Variants in DGKH observed in about 807,000 individuals in gnomAD.
The protein encoded by DGKH is diacylglycerol kinase eta, also known as DAG kinase eta.
In DGKH, 90 loss-of-function variants were observed where a neutral mutation model predicts 159.3. The ratio of observed to expected loss-of-function variants is 0.57; its 90% CI spans 0.48 to 0.67. The LOEUF is 0.67. Among genes scored for constraint, DGKH ranks in the 30% least tolerant of loss-of-function variants. The pLI is 0.00. For synonymous variants in DGKH, 536 were observed against 553.8 expected, an observed-to-expected ratio of 0.97 and a Z score of 0.45; for missense variants, 1,181 against 1,506.1, an observed-to-expected ratio of 0.78 and a Z score of 3.57.
chr13:42,250,444 T>G (rs927386198), intron 29 of DGKH, among the ~76,000 whole-genome samples: 2 of 152,164 alleles, frequency 1.3e-5, no homozygotes, highest in African/African-American at 4.8e-5. Context: ...ACTTTCAAGA[T>G]AACTAGAAAA....
At chr13:42,042,024 AC>A (rs770302785) in intron 1 of DGKH, among the ~76,000 whole-genome samples, 1 of 152,104 alleles carries the variant, frequency 6.6e-6, no homozygotes, top group Non-Finnish European at 1.5e-5. Context: ...TGCCCAGAGT[AC>A]GTTTCTCGGC....
intron 29 of DGKH, among the ~76,000 whole-genome samples, chr13:42,227,249 C>A (rs943762721): frequency 2.0e-5 from 3 of 151,908 alleles, no homozygotes; most frequent in Non-Finnish European, 2.9e-5. Flanking sequence ...GCACATGTAT[C>A]CTGGAACTTA....
chr13:42,095,103 A>T (rs1954495949), intron 1 of DGKH, among the ~76,000 whole-genome samples: 1 of 148,648 alleles, frequency 6.7e-6, no homozygotes. Context: ...ACTGTGGGAG[A>T]TACTACTGTA....
intron 3 of DGKH, among the ~76,000 whole-genome samples, chr13:42,136,904 G>A (rs1955413616): frequency 6.6e-6 from 1 of 152,078 alleles, no homozygotes; most frequent in Non-Finnish European, 1.5e-5. Context: ...CTTTCTACGA[G>A]GGTTTAAAAG....
At chr13:42,146,414 TCAG>T (rs1243453173) in intron 3 of DGKH, among the ~76,000 whole-genome samples, 2 of 152,198 alleles carry the variant, frequency 1.3e-5, no homozygotes, top group Non-Finnish European at 2.9e-5. Context: ...TTATCTGGAA[TCAG>T]CAGGCGTACT....
At chr13:42,110,117 C>T (rs764681129) in intron 1 of DGKH, among the ~76,000 whole-genome samples, 11 of 152,084 alleles carry the variant, frequency 7.2e-5, no homozygotes, top group Non-Finnish European at 1.5e-4. Flanking sequence ...GTTGAAATTC[C>T]AGAAAATAAG....
chr13:42,130,714 G>C (rs769285350), intron 3 of DGKH, among the ~76,000 whole-genome samples: 5 of 152,100 alleles, frequency 3.3e-5, no homozygotes, highest in Non-Finnish European at 7.4e-5. Context: ...AGCACTGGTA[G>C]GGGTTGGGGG....
At chr13:42,081,752 G>T (rs1954205103) in intron 1 of DGKH, among the ~76,000 whole-genome samples, 1 of 152,120 alleles carries the variant, frequency 6.6e-6, no homozygotes, top group Admixed American at 6.5e-5. Context: ...GAGATATCCA[G>T]AGTTCATCTT....
In DGKH at chr13:42,209,130, T is replaced by C; in HGVS notation, c.2715+58T>C. ...CTTGGGCTAAGGAGGGTTGAAGGAA[T>C]CTATTCTAAACAACTCGTACACTGG... is the stretch of plus-strand genomic sequence containing the variant. On this transcript the variant is annotated intron_variant, in intron 22 of 29. Coordinates refer to ENST00000337343, the MANE Select transcript of DGKH (RefSeq NM_178009.5). The C allele has an allele frequency of 3.3e-6, 5 of 1,516,186 alleles. No individual in the cohort carries two copies. The South Asian group carries it at 5.9e-5, about 18-fold the overall frequency. The allele number at this position is 1,516,186 out of a possible 1,614,324, so 93.9% of individuals were successfully genotyped here.
chr13:42,140,796 G>C (rs1955527425), intron 3 of DGKH: 2 of 151,906 alleles, frequency 1.3e-5, no homozygotes. Flanking sequence ...CCTTTTTGTG[G>C]TGCAGACTAA....
rs1354290309 is a variant in DGKH at position 42,238,912 on chromosome 13, A to G, written c.*9724A>G. 6.6e-6 allele frequency: 1 copy of G among 152,142 alleles called. No individual in the cohort carries two copies. Among genetic ancestry groups the G allele is most frequent in the African/African-American group, 2.4e-5 (1 of 41,442 alleles). The allele number at this position is 152,142 out of a possible 1,614,324, so 9.4% of individuals were successfully genotyped here. A position where few individuals can be genotyped will look rare whatever the true frequency, so the allele number is the denominator to read the frequency against. On this transcript the variant is annotated 3_prime_UTR_variant, in exon 30 of 30. Coordinates refer to ENST00000337343, the MANE Select transcript of DGKH (RefSeq NM_178009.5). ...CTTTGCTAAATCTGATATTTATTAT[A>G]GTATAATATGATAATTTGGAGCTCC...
At chr13:42,255,934 A>G (rs1594276232) in intron 30 of DGKH, 1 of 1,598,602 alleles carries the variant, frequency 6.3e-7, no homozygotes, top group African/African-American at 1.3e-5. Flanking sequence ...CTCCAAATAA[A>G]TTTGAAGCTC....
chr13:42,178,418 TA>T lies in DGKH; in HGVS notation c.1538+199del, dbSNP rs1358108874. Among the ~76,000 whole-genome samples, 13 of 152,328 alleles carry T rather than the reference TA, an allele frequency of 8.5e-5. 1 individual carries two copies. Among genetic ancestry groups the T allele is most frequent in the African/African-American group, 2.9e-4 (12 of 41,574 alleles). ...TTTGCAGTGGTGTATACTTAGAGGG[TA>T]TTTTTTTAATGTTTAATTTGAAACA... is the stretch of plus-strand genomic sequence containing the variant. On this transcript the variant is annotated intron_variant, in intron 13 of 29. Coordinates refer to ENST00000337343, the MANE Select transcript of DGKH (RefSeq NM_178009.5).
At chr13:42,172,303 G>A (rs1213142004) in intron 11 of DGKH, among the ~76,000 whole-genome samples, 3 of 150,258 alleles carry the variant, frequency 2.0e-5, no homozygotes, top group African/African-American at 7.4e-5. Flanking sequence ...GTAGAGATGG[G>A]GTTTCACCAT....
chr13:42,151,064 A>G (rs1955867699), intron 3 of DGKH, among the ~76,000 whole-genome samples: 1 of 152,108 alleles, frequency 6.6e-6, no homozygotes, highest in Non-Finnish European at 1.5e-5. Flanking sequence ...AAAGACATGG[A>G]TTCTCCTCTA....
At chr13:42,046,760 C>G (rs1462627817), upstream of DGKH, among the ~76,000 whole-genome samples, 1 of 152,164 alleles carries the variant, frequency 6.6e-6, no homozygotes, top group Non-Finnish European at 1.5e-5. Flanking sequence ...TATATGGTAA[C>G]TGACAGACTT....
rs1300438652 is a variant in DGKH, at chr13:42,207,109, C to A, written c.2601+963C>A. ...TCTTTCTTTCTTTCTTTCTTTCTTT[C>A]TTTCTCTTTCTCTCTCCTTCCTTCC... is the stretch of plus-strand genomic sequence containing the variant. On this transcript the variant is annotated intron_variant, in intron 21 of 29. Transcript: ENST00000337343. Among the ~76,000 whole-genome samples, 86 of 127,308 alleles carry A rather than the reference C, an allele frequency of 6.8e-4. 3 individuals carry two copies. The highest frequency in any genetic ancestry group is 2.5e-3 in the African/African-American group (84 of 33,754). The allele number at this position is 127,308 out of a possible 152,430, so 83.5% of individuals were successfully genotyped here. A position where few individuals can be genotyped will look rare whatever the true frequency, so the allele number is the denominator to read the frequency against.
At chr13:42,159,244 C>CTATTTTTT in intron 5 of DGKH, 22 bp from the exon 6 acceptor site, 1 of 213,284 alleles carries the variant, frequency 4.7e-6, no homozygotes, top group Non-Finnish European at 8.1e-6. Flanking sequence ...AGCAGTTGCT[C>CTATTTTTT]TTTTTTTTTT....
chr13:42,225,033 C>T (rs989231549), intron 29 of DGKH, among the ~76,000 whole-genome samples: 5 of 152,204 alleles, frequency 3.3e-5, no homozygotes, highest in East Asian at 1.9e-4. Context: ...GTGACCCTCC[C>T]GCCTCAGCCT....
Sources: gnomAD v4.1 joint callset for allele counts (sites outside exome capture counted in the v4.1 genomes callset) on GRCh38, gnomAD v4.1.1 for gene constraint, MANE v1.5 for transcripts, NCBI Gene and HGNC (gene_info 2026-07-23, HGNC 2026-07-21) for gene names.